H4C7: variants seen among roughly 807,000 people sequenced by gnomAD.
H4C7 encodes histone H4-like protein type G.
Under a neutral mutation model 5.2 loss-of-function variants are expected in H4C7, and 7 were observed. That is an observed-to-expected ratio of 1.34 (90% CI 0.76 to 2.52). H4C7 has a LOEUF of 2.52. Ranked by LOEUF, H4C7 falls within the 30% of genes most tolerant of loss-of-function variation. H4C7 has a pLI of 0.00. For synonymous variants in H4C7, 69 were observed against 57.5 expected, an observed-to-expected ratio of 1.20 and a Z score of -0.90; for missense variants, 148 against 138.4, an observed-to-expected ratio of 1.07 and a Z score of -0.35.
In H4C7 at chr6:26,246,924, G is replaced by T; in HGVS notation, c.54C>A (p.Cys18Ter). The T allele has an allele frequency of 1.2e-6, 2 of 1,605,884 alleles. No homozygotes were observed. The highest frequency in any genetic ancestry group is 1.7e-6 in the Non-Finnish European group (2 of 1,172,972). Reference sequence around the variant, plus strand: ...TATTATCGCTCAGTACCTTGCGATGGCACTTGGCACCGCCTTTCCCAAGGC... The same window carrying T: ...TATTATCGCTCAGTACCTTGCGATGTCACTTGGCACCGCCTTTCCCAAGGC... ...GKGLGKGGAK[C>*]HRKVLSDNIQ... is the part of the protein sequence containing the mutation. The change falls in exon 1 of 1, where the codon TGC becomes TGA. Residue 18 changes from cysteine (C) to a stop codon, truncating the protein, a stop_gained. Coordinates refer to ENST00000611444, the MANE Select transcript of H4C7 (RefSeq NM_003547.3). LOFTEE classifies it high-confidence loss of function.
At position 26,246,910 on chromosome 6, in the gene H4C7, A is replaced by C. The variant is rs1759970691; in HGVS notation, c.68T>G (p.Leu23Arg). The change falls in exon 1 of 1, where the codon CTG becomes CGG. Residue 23 changes from leucine to arginine, a missense_variant. Physicochemically the swap from Leu to Arg is moderately radical, Grantham distance 102 (BLOSUM62 -2). Transcript: ENST00000611444. ...KGGAKCHRKV[L>R]SDNIQGITKC... is the part of the protein sequence containing the mutation. ...GGTAATGCCCTGAATATTATCGCTC[A>C]GTACCTTGCGATGGCACTTGGCACC... The C allele has an allele frequency of 4.3e-6, 7 of 1,611,090 alleles. No individual in the cohort carries two copies. Among genetic ancestry groups the C allele is most frequent in the Admixed American group, 1.7e-5 (1 of 59,956 alleles).
chr6:26,246,645 C>G lies in H4C7; in HGVS notation c.*36G>C, dbSNP rs373499835. 1 of 1,528,072 alleles carries G rather than the reference C, an allele frequency of 6.5e-7. No homozygotes were observed. Among genetic ancestry groups the G allele is most frequent in the African/African-American group, 1.4e-5 (1 of 72,306 alleles). The allele number at this position is 1,528,072 out of a possible 1,614,324, so 94.7% of individuals were successfully genotyped here. A position where few individuals can be genotyped will look rare whatever the true frequency, so the allele number is the denominator to read the frequency against. On this transcript the variant is annotated 3_prime_UTR_variant, in exon 1 of 1. Coordinates refer to ENST00000611444, the MANE Select transcript of H4C7 (RefSeq NM_003547.3). ...CTGAAAAGGGCCATTAACGATATTG[C>G]AAGGAAAGGCCTGGCCTCACTTAAC...
Position 26,246,763 on chromosome 6 carries a change from G to A in H4C7, c.215C>T (p.Thr72Ile), listed in dbSNP as rs199532924. The change falls in exon 1 of 1, where the codon ACC becomes ATC. Residue 72 changes from threonine (T) to isoleucine (I), a missense_variant. Transcript: ENST00000611444. The stretch of plus-strand genomic sequence containing the variant: ...CTTGCGCTTGGCGTGCTCCGTGTTG[G>A]TCACGGCGTACCAGATCACATTTTC... ...FLENVIWYAVTNTEHAKRKTV... is the reference protein window; with the variant it reads ...FLENVIWYAVINTEHAKRKTV... The A allele has an allele frequency of 2.5e-5, 40 of 1,613,948 alleles. No homozygotes were observed. Among genetic ancestry groups the A allele is most frequent in the Non-Finnish European group, 3.4e-5 (40 of 1,179,970 alleles).
Position 26,246,667 on chromosome 6 carries a change from T to C in H4C7, c.*14A>G, listed in dbSNP as rs1239984005. 4 of 1,560,350 alleles carry C rather than the reference T, an allele frequency of 2.6e-6. No homozygotes were observed. The African/African-American group carries it at 4.1e-5, about 16-fold the overall frequency. ...TTGCAAGGAAAGGCCTGGCCTCACTTAACCGCCAAAGCCTTACAGGGTTCT... is the reference window on the plus strand; with the variant it reads ...TTGCAAGGAAAGGCCTGGCCTCACTCAACCGCCAAAGCCTTACAGGGTTCT... On this transcript the variant is annotated 3_prime_UTR_variant, in exon 1 of 1. Coordinates refer to ENST00000611444, the MANE Select transcript of H4C7 (RefSeq NM_003547.3).
rs776935711 is a variant in H4C7 at position 26,246,682 on chromosome 6, T to C, written c.296A>G (p.Ter99=). 1 of 1,585,788 alleles carries C rather than the reference T, an allele frequency of 6.3e-7. No individual in the cohort carries two copies. Among genetic ancestry groups the C allele is most frequent in the Admixed American group, 1.7e-5 (1 of 58,434 alleles). ...YVLKRQGRTL[*] is the part of the protein sequence containing the mutation. ...TGGCCTCACTTAACCGCCAAAGCCT[T>C]ACAGGGTTCTTCCCTGGCGTTTGAG... The change falls in exon 1 of 1, where the codon TAA becomes TGA. Residue 99 remains the stop codon, a stop_retained_variant. Transcript: ENST00000611444.
chr6:26,246,699 G>T lies in H4C7; in HGVS notation c.279C>A (p.Arg93=). 6.3e-7 allele frequency: 1 copy of T among 1,597,452 alleles called. No homozygotes were observed. The highest frequency in any genetic ancestry group is 8.6e-7 in the Non-Finnish European group (1 of 1,167,226). ...TAMAVVYVLK[R]QGRTL is the part of the protein sequence containing the mutation. ...CAAAGCCTTACAGGGTTCTTCCCTG[G>T]CGTTTGAGCACGTAGACCACGGCCA... The change falls in exon 1 of 1, where the codon CGC becomes CGA. Residue 93 remains arginine (R), a synonymous_variant. Transcript: ENST00000611444.
rs372698402 is a variant in H4C7, at chr6:26,246,877, G to C, written c.101C>G (p.Thr34Ser). Reference protein sequence around the residue: ...SDNIQGITKCTIRRLARHGGV... With the variant: ...SDNIQGITKCSIRRLARHGGV... The stretch of plus-strand genomic sequence containing the variant: ...GCCATGCCGGGCCAAGCGCCGGATA[G>C]TGCACTTGGTAATGCCCTGAATATT... The change falls in exon 1 of 1, where the codon ACT becomes AGT. Residue 34 changes from threonine (T) to serine (S), a missense_variant. Physicochemically the swap from Thr to Ser is moderately conservative, Grantham distance 58. Transcript: ENST00000611444. 3.1e-6 allele frequency: 5 copies of C among 1,614,200 alleles called. No individual in the cohort carries two copies. The highest frequency in any genetic ancestry group is 1.1e-5 in the South Asian group (1 of 91,088).
At position 26,246,720 on chromosome 6, in the gene H4C7, G is replaced by A; in HGVS notation, c.258C>T (p.Ala86=). 3 of 1,606,810 alleles carry A rather than the reference G, an allele frequency of 1.9e-6. No homozygotes were observed. The highest frequency in any genetic ancestry group is 2.6e-6 in the Non-Finnish European group (3 of 1,173,976). The part of the protein sequence containing the change: ...HAKRKTVTAM[A]VVYVLKRQGR... ...CCTGGCGTTTGAGCACGTAGACCAC[G>A]GCCATGGCGGTGACCGTCTTGCGCT... is the stretch of plus-strand genomic sequence containing the variant. The change falls in exon 1 of 1, where the codon GCC becomes GCT. Residue 86 remains alanine, a synonymous_variant. Coordinates refer to ENST00000611444, the MANE Select transcript of H4C7 (RefSeq NM_003547.3).
At position 26,246,773 on chromosome 6, in the gene H4C7, A is replaced by C. The variant is rs1356908389; in HGVS notation, c.205T>G (p.Tyr69Asp). The C allele has an allele frequency of 3.1e-6, 5 of 1,614,150 alleles. No individual in the cohort carries two copies. In the South Asian group the frequency reaches 3.3e-5, roughly 11 times the overall value. ...FKVFLENVIWYAVTNTEHAKR... is the reference protein window; with the variant it reads ...FKVFLENVIWDAVTNTEHAKR... Reference sequence around the variant, plus strand: ...GCGTGCTCCGTGTTGGTCACGGCGTACCAGATCACATTTTCCAGGAACACC... The same window carrying C: ...GCGTGCTCCGTGTTGGTCACGGCGTCCCAGATCACATTTTCCAGGAACACC... The change falls in exon 1 of 1, where the codon TAC becomes GAC. Residue 69 changes from tyrosine (Y) to aspartate (D), a missense_variant. Transcript: ENST00000611444.
rs759039446 is a variant in H4C7, at chr6:26,246,875, T to G, written c.103A>C (p.Ile35Leu). The G allele has an allele frequency of 1.2e-6, 2 of 1,614,234 alleles. No individual in the cohort carries two copies. The highest frequency in any genetic ancestry group is 1.1e-5 in the South Asian group (1 of 91,088). ...DNIQGITKCT[I>L]RRLARHGGVK... ...CCGCCATGCCGGGCCAAGCGCCGGA[T>G]AGTGCACTTGGTAATGCCCTGAATA... The change falls in exon 1 of 1, where the codon ATC becomes CTC. Residue 35 changes from isoleucine to leucine, a missense_variant. By Grantham distance (5) the Ile-to-Leu change is conservative. Coordinates refer to ENST00000611444, the MANE Select transcript of H4C7 (RefSeq NM_003547.3).
chr6:26,246,873 G>C lies in H4C7; in HGVS notation c.105C>G (p.Ile35Met), dbSNP rs766027186. The C allele has an allele frequency of 2.5e-6, 4 of 1,614,186 alleles. No homozygotes were observed. In the South Asian group the frequency reaches 4.4e-5, roughly 18 times the overall value. ...CACCGCCATGCCGGGCCAAGCGCCG[G>C]ATAGTGCACTTGGTAATGCCCTGAA... ...DNIQGITKCTIRRLARHGGVK... is the reference protein window; with the variant it reads ...DNIQGITKCTMRRLARHGGVK... The change falls in exon 1 of 1, where the codon ATC (isoleucine) becomes ATG (methionine). Residue 35 changes from isoleucine to methionine, a missense_variant. Physicochemically the swap from Ile to Met is conservative, Grantham distance 10. Coordinates refer to ENST00000611444, the MANE Select transcript of H4C7 (RefSeq NM_003547.3).
chr6:26,246,806 C>G lies in H4C7; in HGVS notation c.172G>C (p.Val58Leu), dbSNP rs200377159. The G allele has an allele frequency of 8.4e-5, 135 of 1,614,198 alleles. 2 individuals are homozygous for G. The East Asian group carries it at 2.9e-3, about 35-fold the overall frequency. ...ACATTTTCCAGGAACACCTTGAACA[C>G]CCGGCGGGTCTCCTCATAAATGAGG... is the stretch of plus-strand genomic sequence containing the variant. ...LGLIYEETRR[V>L]FKVFLENVIW... The change falls in exon 1 of 1, where the codon GTG becomes CTG. Residue 58 changes from valine to leucine, a missense_variant. Transcript: ENST00000611444.
At position 26,246,682 on chromosome 6, in the gene H4C7, T is replaced by TA; in HGVS notation, c.295dup (p.Ter99LeufsTer?). ...TGGCCTCACTTAACCGCCAAAGCCT[T>TA]ACAGGGTTCTTCCCTGGCGTTTGAG... is the stretch of plus-strand genomic sequence containing the variant. On this transcript the variant is annotated frameshift_variant and stop_lost, in exon 1 of 1. Coordinates refer to ENST00000611444, the MANE Select transcript of H4C7 (RefSeq NM_003547.3). LOFTEE classifies it high-confidence loss of function. 1 of 1,585,788 alleles carries TA rather than the reference T, an allele frequency of 6.3e-7. No individual in the cohort carries two copies. The highest frequency in any genetic ancestry group is 8.6e-7 in the Non-Finnish European group (1 of 1,160,142).
In H4C7 at chr6:26,246,820, T is replaced by C; in HGVS notation, c.158A>G (p.Glu53Gly). 2 of 1,614,160 alleles carry C rather than the reference T, an allele frequency of 1.2e-6. No individual in the cohort carries two copies. Among genetic ancestry groups the C allele is most frequent in the Non-Finnish European group, 8.5e-7 (1 of 1,180,026 alleles). The change falls in exon 1 of 1, where the codon GAG (glutamate) becomes GGG (glycine). Residue 53 changes from glutamate to glycine, a missense_variant. Transcript: ENST00000611444. The part of the protein sequence containing the change: ...GVKRILGLIY[E>G]ETRRVFKVFL... Reference sequence around the variant, plus strand: ...CACCTTGAACACCCGGCGGGTCTCCTCATAAATGAGGCCCAAGATGCGCTT... The same window carrying C: ...CACCTTGAACACCCGGCGGGTCTCCCCATAAATGAGGCCCAAGATGCGCTT...
chr6:26,246,957 G>A lies in H4C7; in HGVS notation c.21C>T (p.Ala7=), dbSNP rs371099752. 4.4e-6 allele frequency: 7 copies of A among 1,599,884 alleles called. No homozygotes were observed. Among genetic ancestry groups the A allele is most frequent in the Non-Finnish European group, 6.0e-6 (7 of 1,168,590 alleles). Residue 7 remains alanine (A), a synonymous_variant, in exon 1 of 1, where the codon GCC becomes GCT. Transcript: ENST00000611444. ...CACCGCCTTTCCCAAGGCCTTTTCC[G>A]GCCTTGCCCCGAACAGACATGATAA... is the stretch of plus-strand genomic sequence containing the variant. The part of the protein sequence containing the change: MSVRGK[A]GKGLGKGGAK...
In H4C7 at chr6:26,246,787, T is replaced by C. The variant is rs201018952; in HGVS notation, c.191A>G (p.Glu64Gly). ...ETRRVFKVFL[E>G]NVIWYAVTNT... ...GGTCACGGCGTACCAGATCACATTT[T>C]CCAGGAACACCTTGAACACCCGGCG... Residue 64 changes from glutamate to glycine, a missense_variant, in exon 1 of 1, where the codon GAA becomes GGA. Transcript: ENST00000611444. 47 of 1,614,164 alleles carry C rather than the reference T, an allele frequency of 2.9e-5. No homozygotes were observed. In the Admixed American group the frequency reaches 5.0e-4, roughly 17 times the overall value.
chr6:26,246,637 C>T lies in H4C7; in HGVS notation c.*44G>A. 2.6e-6 allele frequency: 4 copies of T among 1,519,946 alleles called. No individual in the cohort carries two copies. The highest frequency in any genetic ancestry group is 2.7e-6 in the Non-Finnish European group (3 of 1,129,818). The allele number at this position is 1,519,946 out of a possible 1,614,324, so 94.2% of individuals were successfully genotyped here. ...ACGCGGCCCTGAAAAGGGCCATTAA[C>T]GATATTGCAAGGAAAGGCCTGGCCT... On this transcript the variant is annotated 3_prime_UTR_variant, in exon 1 of 1. Coordinates refer to ENST00000611444, the MANE Select transcript of H4C7 (RefSeq NM_003547.3).
chr6:26,246,627 G>C lies in H4C7; in HGVS notation c.*54C>G. The C allele has an allele frequency of 2.0e-6, 3 of 1,494,570 alleles. No homozygotes were observed. Among genetic ancestry groups the C allele is most frequent in the Non-Finnish European group, 2.7e-6 (3 of 1,111,222 alleles). The allele number at this position is 1,494,570 out of a possible 1,614,324, so 92.6% of individuals were successfully genotyped here. A position where few individuals can be genotyped will look rare whatever the true frequency, so the allele number is the denominator to read the frequency against. Reference sequence around the variant, plus strand: ...AAGAAAACGTACGCGGCCCTGAAAAGGGCCATTAACGATATTGCAAGGAAA... The same window carrying C: ...AAGAAAACGTACGCGGCCCTGAAAACGGCCATTAACGATATTGCAAGGAAA... On this transcript the variant is annotated 3_prime_UTR_variant, in exon 1 of 1. Transcript: ENST00000611444.
chr6:26,246,756 C>G lies in H4C7; in HGVS notation c.222G>C (p.Thr74=). The G allele has an allele frequency of 6.2e-7, 1 of 1,613,934 alleles. No individual in the cohort carries two copies. Among genetic ancestry groups the G allele is most frequent in the Non-Finnish European group, 8.5e-7 (1 of 1,179,836 alleles). Reference sequence around the variant, plus strand: ...TGACCGTCTTGCGCTTGGCGTGCTCCGTGTTGGTCACGGCGTACCAGATCA... The same window carrying G: ...TGACCGTCTTGCGCTTGGCGTGCTCGGTGTTGGTCACGGCGTACCAGATCA... ...ENVIWYAVTN[T]EHAKRKTVTA... The change falls in exon 1 of 1, where the codon ACG becomes ACC. Residue 74 remains threonine, a synonymous_variant. Coordinates refer to ENST00000611444, the MANE Select transcript of H4C7 (RefSeq NM_003547.3).
Sources: gnomAD v4.1 joint callset for allele counts on GRCh38, gnomAD v4.1.1 for gene constraint, MANE v1.5 for transcripts, NCBI Gene and HGNC (gene_info 2026-07-23, HGNC 2026-07-21) for gene names.